The following AEBP1 variants were observed in gnomAD, a reference collection of about 807,000 sequenced individuals.
The protein encoded by AEBP1 is adipocyte enhancer-binding protein 1.
Under a neutral mutation model 116.5 loss-of-function variants are expected in AEBP1, and 69 were observed. That is an observed-to-expected ratio of 0.59 (90% CI 0.49 to 0.72). The LOEUF is 0.72. AEBP1 is among the 30% of genes least tolerant of loss of function. AEBP1 has a pLI of 0.00. For synonymous variants in AEBP1, 627 were observed against 627.3 expected (o/e 1.00, Z 0.01); for missense variants, 1,444 against 1,557.5 (o/e 0.93, Z 1.23).
In AEBP1 at chr7:44,112,032, C is replaced by G. The variant is rs181697573; in HGVS notation, c.2019C>G (p.Tyr673Ter). 6.2e-7 allele frequency: 1 copy of G among 1,613,230 alleles called. No individual in the cohort carries two copies. Among genetic ancestry groups the G allele is most frequent in the Admixed American group, 1.7e-5 (1 of 59,998 alleles). Residue 673 changes from tyrosine (Y) to a stop codon, truncating the protein, a stop_gained, in exon 16 of 21, where the codon TAC becomes TAG. Transcript: ENST00000223357. LOFTEE classifies it high-confidence loss of function. This position sits in a 1 kb window ranked among gnomAD's most constrained non-coding sequence, Gnocchi z 6.6. ...HLVPSLNPDG[Y>*]EVAAQMGSEF... is the part of the protein sequence containing the mutation. Reference sequence around the variant, plus strand: ...TGCCCTCACTGAACCCTGATGGCTACGAGGTGGCAGCGCAGATGGTGGGTT... The same window carrying G: ...TGCCCTCACTGAACCCTGATGGCTAGGAGGTGGCAGCGCAGATGGTGGGTT...
rs1367996693 is a variant in AEBP1, at chr7:44,110,739, C to T, written c.1415C>T (p.Thr472Ile). 2 of 1,523,232 alleles carry T rather than the reference C, an allele frequency of 1.3e-6. No homozygotes were observed. Among genetic ancestry groups the T allele is most frequent in the Admixed American group, 4.2e-5 (2 of 47,232 alleles). 94.4% of individuals were successfully genotyped at this position (1,523,232 alleles called of 1,614,324 possible). The change falls in exon 12 of 21, where the codon ACC becomes ATC. Residue 472 changes from threonine to isoleucine, a missense_variant. Thr to Ile is a moderately conservative substitution (Grantham distance 89, BLOSUM62 -1). Transcript: ENST00000223357. ...CCACTCCACAGTGACGATTTTGTGACCACCTTCTTCGTGGGCTTCAGCAAT... is the reference window on the plus strand; with the variant it reads ...CCACTCCACAGTGACGATTTTGTGATCACCTTCTTCGTGGGCTTCAGCAAT... The part of the protein sequence containing the change: ...RDSSIHDDFV[T>I]TFFVGFSNDS...
At position 44,108,871 on chromosome 7, in the gene AEBP1, A is replaced by C; in HGVS notation, c.941-28A>C. ...TGAGGCCCCGCAGCAGGGTCAGGGC[A>C]GCCTCAGCTGGCTCTCCCTCCCCAT... On this transcript the variant is annotated intron_variant, in intron 6 of 20. Coordinates refer to ENST00000223357, the MANE Select transcript of AEBP1 (RefSeq NM_001129.5). The surrounding 1 kb of genome is among the most constrained non-coding windows in gnomAD (Gnocchi z 5.0). 6.4e-7 allele frequency: 1 copy of C among 1,554,778 alleles called. No homozygotes were observed. The highest frequency in any genetic ancestry group is 1.2e-5 in the South Asian group (1 of 84,478).
In AEBP1 at chr7:44,113,342, G is replaced by C; in HGVS notation, c.2800G>C (p.Val934Leu). The change falls in exon 20 of 21, where the codon GTG (valine) becomes CTG (leucine). Residue 934 changes from valine to leucine, a missense_variant. By Grantham distance (32) the Val-to-Leu change is conservative. Coordinates refer to ENST00000223357, the MANE Select transcript of AEBP1 (RefSeq NM_001129.5). This position sits in a 1 kb window ranked among gnomAD's most constrained non-coding sequence, Gnocchi z 5.3. ...TISVSGINHG[V>L]KTASGGDYWR... ...CTCTGTGAGTGGCATTAATCACGGC[G>C]TGAAGACAGGTACCTAGTGTGCACA... The C allele has an allele frequency of 5.6e-6, 9 of 1,611,940 alleles. No homozygotes were observed. Among genetic ancestry groups the C allele is most frequent in the South Asian group, 1.1e-5 (1 of 90,764 alleles).
chr7:44,105,700 C>T (rs1159174141), intron 1 of AEBP1, among the ~76,000 whole-genome samples: 1 of 152,192 alleles, frequency 6.6e-6, no homozygotes, highest in Non-Finnish European at 1.5e-5. Flanking sequence ...CAGGCTTGCT[C>T]TCCTGGCTCT....
rs1038573549 is a variant in AEBP1 at position 44,107,026 on chromosome 7, T to G, written c.595+139T>G. On this transcript the variant is annotated intron_variant, in intron 2 of 20. Coordinates refer to ENST00000223357, the MANE Select transcript of AEBP1 (RefSeq NM_001129.5). The surrounding 1 kb of genome is among the most constrained non-coding windows in gnomAD (Gnocchi z 4.3). Reference sequence around the variant, plus strand: ...CTGGATGGGAACCTCACTTTTGCTATAAATTTCACAATTTGATTGGTGGGC... The same window carrying G: ...CTGGATGGGAACCTCACTTTTGCTAGAAATTTCACAATTTGATTGGTGGGC... 2.8e-6 allele frequency: 2 copies of G among 710,032 alleles called. No homozygotes were observed. Among genetic ancestry groups the G allele is most frequent in the Non-Finnish European group, 2.3e-6 (1 of 437,642 alleles). 44.0% of individuals were successfully genotyped at this position (710,032 alleles called of 1,614,324 possible). A position where few individuals can be genotyped will look rare whatever the true frequency, so the allele number is the denominator to read the frequency against.
intron 1 of AEBP1, 139 bp downstream of exon 1, chr7:44,105,057 C>A (rs2096221584): frequency 1.2e-6 from 1 of 810,146 alleles, no homozygotes; most frequent in Non-Finnish European, 1.9e-6. Flanking sequence ...AGCCCAGATG[C>A]CTGGAGGGAC....
rs778289008 is a variant in AEBP1 at position 44,114,194 on chromosome 7, T to C, written c.3410T>C (p.Ile1137Thr). The change falls in exon 21 of 21, where the codon ATA becomes ACA. Residue 1137 changes from isoleucine (I) to threonine (T), a missense_variant. Physicochemically the swap from Ile to Thr is moderately conservative, Grantham distance 89. Transcript: ENST00000223357. Reference sequence around the variant, plus strand: ...GAGGAGGAGGAGAAAGAGGAGGAGATAGCCACTGGCCAGGCATTCCCCTTC... The same window carrying C: ...GAGGAGGAGGAGAAAGAGGAGGAGACAGCCACTGGCCAGGCATTCCCCTTC... ...EEEEEEKEEEIATGQAFPFTT... is the reference protein window; with the variant it reads ...EEEEEEKEEETATGQAFPFTT... The C allele has an allele frequency of 1.9e-6, 3 of 1,613,940 alleles. No homozygotes were observed. Among genetic ancestry groups the C allele is most frequent in the South Asian group, 1.1e-5 (1 of 91,080 alleles).
Position 44,111,210 on chromosome 7 carries a change from C to G in AEBP1, c.1687C>G (p.Arg563Gly). The change falls in exon 14 of 21, where the codon CGG becomes GGG. Residue 563 changes from arginine to glycine, a missense_variant. Transcript: ENST00000223357. The surrounding 1 kb of genome is among the most constrained non-coding windows in gnomAD (Gnocchi z 4.7). ...EVVATDDLDF[R>G]HHSYKDMRQL... ...GGTGGCCACCGATGACCTGGATTTC[C>G]GGCACCACAGCTACAAGGACATGCG... The G allele has an allele frequency of 6.6e-7, 1 of 1,515,338 alleles. No individual in the cohort carries two copies. Among genetic ancestry groups the G allele is most frequent in the Non-Finnish European group, 8.8e-7 (1 of 1,130,570 alleles). 93.9% of individuals were successfully genotyped at this position (1,515,338 alleles called of 1,614,324 possible).
In AEBP1 at chr7:44,106,808, T is replaced by A. The variant is rs532745534; in HGVS notation, c.516T>A (p.Ile172=). The A allele has an allele frequency of 1.2e-6, 2 of 1,607,860 alleles. No homozygotes were observed. Among genetic ancestry groups the A allele is most frequent in the South Asian group, 2.2e-5 (2 of 90,434 alleles). Residue 172 remains isoleucine, a synonymous_variant, in exon 2 of 21, where the codon ATT becomes ATA. Transcript: ENST00000223357. The part of the protein sequence containing the change: ...KKPPSGKRPP[I]LAPSETLEWP... The stretch of plus-strand genomic sequence containing the variant: ...CCCCGTCAGGGAAGAGGCCCCCCAT[T>A]CTGGCTCCCTCAGAAACCCTGGAGT...
rs1355160277 is a variant in AEBP1 at position 44,109,197 on chromosome 7, G to T, written c.1096+13G>T. On this transcript the variant is annotated intron_variant, in intron 8 of 20. Transcript: ENST00000223357. ...AAGGACCACAAAGGTGTGTGGCTGG[G>T]GCTTGGGGCCTGGGTCCCTGTGGGG... 1 of 1,613,530 alleles carries T rather than the reference G, an allele frequency of 6.2e-7. No individual in the cohort carries two copies. Among genetic ancestry groups the T allele is most frequent in the Non-Finnish European group, 8.5e-7 (1 of 1,179,906 alleles).
Position 44,113,929 on chromosome 7 carries a change from G to C in AEBP1, c.3145G>C (p.Val1049Leu). The C allele has an allele frequency of 6.2e-7, 1 of 1,613,588 alleles. No homozygotes were observed. The highest frequency in any genetic ancestry group is 8.5e-7 in the Non-Finnish European group (1 of 1,179,944). Reference sequence around the variant, plus strand: ...CACCACCACCCTAGGCCCCCACACTGTGCCTCCCACGCTGCCCCCTGCCCC... The same window carrying C: ...CACCACCACCCTAGGCCCCCACACTCTGCCTCCCACGCTGCCCCCTGCCCC... ...NATTTLGPHT[V>L]PPTLPPAPAT... Residue 1049 changes from valine (V) to leucine (L), a missense_variant, in exon 21 of 21, where the codon GTG becomes CTG. By Grantham distance (32) the Val-to-Leu change is conservative (BLOSUM62 1). Transcript: ENST00000223357. The surrounding 1 kb of genome is among the most constrained non-coding windows in gnomAD (Gnocchi z 5.3).
At chr7:44,105,341 C>CA (rs2096221882) in intron 1 of AEBP1, among the ~76,000 whole-genome samples, 1 of 152,084 alleles carries the variant, frequency 6.6e-6, no homozygotes, top group East Asian at 1.9e-4. Flanking sequence ...CAGGAGGTCT[C>CA]ACGTAGGTGA....
chr7:44,112,482 A>G lies in AEBP1; in HGVS notation c.2218-76A>G. 5 of 1,421,530 alleles carry G rather than the reference A, an allele frequency of 3.5e-6. No homozygotes were observed. The highest frequency in any genetic ancestry group is 4.7e-6 in the Non-Finnish European group (5 of 1,055,320). 88.1% of individuals were successfully genotyped at this position (1,421,530 alleles called of 1,614,324 possible). ...CGTGCGAGTACTGGTGTGAAGCTTC[A>G]TGGAGGGTGATCGGGCTAGGTTGGG... On this transcript the variant is annotated intron_variant, in intron 17 of 20. Coordinates refer to ENST00000223357, the MANE Select transcript of AEBP1 (RefSeq NM_001129.5). The surrounding 1 kb of genome is among the most constrained non-coding windows in gnomAD (Gnocchi z 6.6).
At chr7:44,106,065 T>C in intron 1 of AEBP1, 1 of 400,416 alleles carries the variant, frequency 2.5e-6, no homozygotes, top group Non-Finnish European at 4.9e-6. Context: ...CAACCAAGTG[T>C]CCCTTTTCTT....
At position 44,106,638 on chromosome 7, in the gene AEBP1, C is replaced by A; in HGVS notation, c.346C>A (p.Pro116Thr). ...GGAGTCCTTGGAGGGGTCCCCCAGG[C>A]CGCCCAAGAAGGGGAAGGAGAAGCC... ...PKESLEGSPR[P>T]PKKGKEKPPK... Residue 116 changes from proline (P) to threonine (T), a missense_variant, in exon 2 of 21, where the codon CCG becomes ACG. Physicochemically the swap from Pro to Thr is conservative, Grantham distance 38. Coordinates refer to ENST00000223357, the MANE Select transcript of AEBP1 (RefSeq NM_001129.5). 3 of 1,612,822 alleles carry A rather than the reference C, an allele frequency of 1.9e-6. No homozygotes were observed. The highest frequency in any genetic ancestry group is 2.5e-6 in the Non-Finnish European group (3 of 1,179,714).
Position 44,113,579 on chromosome 7 carries a change from G to A in AEBP1, c.2810-15G>A, listed in dbSNP as rs1325768468. The A allele has an allele frequency of 6.2e-7, 1 of 1,601,754 alleles. No homozygotes were observed. Among genetic ancestry groups the A allele is most frequent in the East Asian group, 2.2e-5 (1 of 44,740 alleles). ...AGGGGCGCTCTGGGGCAGCCGGATC[G>A]TTCTCCCTCCGCAGCCAGTGGTGGT... is the stretch of plus-strand genomic sequence containing the variant. On this transcript the variant is annotated splice_polypyrimidine_tract_variant and intron_variant, in intron 20 of 20. Transcript: ENST00000223357. The surrounding 1 kb of genome is among the most constrained non-coding windows in gnomAD (Gnocchi z 5.3).
chr7:44,111,460 G>T lies in AEBP1; in HGVS notation c.1717-47G>T. 10 of 1,542,890 alleles carry T rather than the reference G, an allele frequency of 6.5e-6. No homozygotes were observed. Among genetic ancestry groups the T allele is most frequent in the East Asian group, 2.3e-5 (1 of 44,006 alleles). ...GGAAGTGGAAGGGGCATGGTCAGCG[G>T]GGGACGGATTGCATGATTGATTCCA... On this transcript the variant is annotated intron_variant, in intron 14 of 20. Coordinates refer to ENST00000223357, the MANE Select transcript of AEBP1 (RefSeq NM_001129.5). This position sits in a 1 kb window ranked among gnomAD's most constrained non-coding sequence, Gnocchi z 4.7.
rs973307829 is a variant in AEBP1 at position 44,104,529 on chromosome 7, C to T, written c.-137C>T. ...CACTCTCCCTCCCTTTCCCGGATTC[C>T]CTCGCTCACCCCATCCTCTCTCCCG... is the stretch of plus-strand genomic sequence containing the variant. On this transcript the variant is annotated 5_prime_UTR_variant, in exon 1 of 21. Transcript: ENST00000223357. 1 of 573,138 alleles carries T rather than the reference C, an allele frequency of 1.7e-6. No individual in the cohort carries two copies. The highest frequency in any genetic ancestry group is 2.8e-6 in the Non-Finnish European group (1 of 353,018). 35.5% of individuals were successfully genotyped at this position (573,138 alleles called of 1,614,324 possible). A position where few individuals can be genotyped will look rare whatever the true frequency, so the allele number is the denominator to read the frequency against.
At position 44,111,463 on chromosome 7, in the gene AEBP1, G is replaced by A. The variant is rs768450618; in HGVS notation, c.1717-44G>A. The A allele has an allele frequency of 5.2e-6, 8 of 1,545,580 alleles. No individual in the cohort carries two copies. The highest frequency in any genetic ancestry group is 7.0e-6 in the Non-Finnish European group (8 of 1,144,986). ...AGTGGAAGGGGCATGGTCAGCGGGG[G>A]ACGGATTGCATGATTGATTCCACGT... On this transcript the variant is annotated intron_variant, in intron 14 of 20. Coordinates refer to ENST00000223357, the MANE Select transcript of AEBP1 (RefSeq NM_001129.5). This position sits in a 1 kb window ranked among gnomAD's most constrained non-coding sequence, Gnocchi z 4.7.
Sources: gnomAD v4.1 joint callset for allele counts (sites outside exome capture counted in the v4.1 genomes callset) on GRCh38, gnomAD v4.1.1 for gene constraint, Gnocchi (gnomAD v3.1) non-coding constraint, MANE v1.5 for transcripts, NCBI Gene and HGNC (gene_info 2026-07-23, HGNC 2026-07-21) for gene names.